PRR16: variants seen among roughly 807,000 people sequenced by gnomAD.
PRR16 encodes protein Largen.
A neutral mutation model predicts 18.2 loss-of-function variants in PRR16; 6 were observed. The ratio of observed to expected loss-of-function variants is 0.33; its 90% confidence interval spans 0.18 to 0.65. PRR16 has a LOEUF of 0.65. Among genes scored for constraint, PRR16 ranks in the 30% least tolerant of loss-of-function variants. The pLI, the probability that PRR16 is intolerant of heterozygous loss-of-function variation, is 0.74. For synonymous variants in PRR16, 151 were observed against 147.8 expected, an observed-to-expected ratio of 1.02 and a Z score of -0.16; for missense variants, 412 against 376.6, an observed-to-expected ratio of 1.09 and a Z score of -0.78.
chr5:120,527,547 T>A (rs1751411886), intron 1 of PRR16, among the ~76,000 whole-genome samples: 1 of 152,218 alleles, frequency 6.6e-6, no homozygotes, highest in African/African-American at 2.4e-5. Flanking sequence ...AGCCTCAGGC[T>A]AATTTTGAGT....
At chr5:120,730,399 G>C in the PRR16 span, among the ~76,000 whole-genome samples, 3 of 152,108 alleles carry the variant, frequency 2.0e-5, no homozygotes, top group East Asian at 5.8e-4. Flanking sequence ...CCAGAAATAG[G>C]TGTCCAACTA....
At chr5:120,768,988 T>C in the PRR16 span, among the ~76,000 whole-genome samples, 1 of 151,832 alleles carries the variant, frequency 6.6e-6, no homozygotes, top group Non-Finnish European at 1.5e-5. Flanking sequence ...AATTTATATA[T>C]GCAAACTCAG....
intron 1 of PRR16, among the ~76,000 whole-genome samples, chr5:120,672,416 TC>T (rs1756641126): frequency 6.6e-6 from 1 of 151,870 alleles, no homozygotes; most frequent in African/African-American, 2.4e-5. Context: ...CACAGGAGCC[TC>T]CTGGTGTGGA....
chr5:120,757,990 T>A, the PRR16 span, among the ~76,000 whole-genome samples: 1 of 150,450 alleles, frequency 6.6e-6, no homozygotes, highest in African/African-American at 2.4e-5. Flanking sequence ...AAATTTAGAA[T>A]GTAAAACTAT....
chr5:120,658,383 C>A (rs1190763323), intron 1 of PRR16: 3 of 149,850 alleles, frequency 2.0e-5, no homozygotes, highest in African/African-American at 7.4e-5. Context: ...TTCTCTTGTT[C>A]TTCATGGAAC....
At chr5:120,593,983 G>A (rs1376699751) in intron 1 of PRR16, among the ~76,000 whole-genome samples, 1 of 151,990 alleles carries the variant, frequency 6.6e-6, no homozygotes, top group Non-Finnish European at 1.5e-5. Context: ...CAAAAATGAG[G>A]CACAGAAGGA....
chr5:120,468,187 A>C (rs1297327720), intron 1 of PRR16, among the ~76,000 whole-genome samples: 1 of 152,172 alleles, frequency 6.6e-6, no homozygotes, highest in African/African-American at 2.4e-5. Context: ...TAAGCTTAAA[A>C]AGATGAAAAT....
At chr5:120,661,440 T>C (rs1192348255) in intron 1 of PRR16, among the ~76,000 whole-genome samples, 1 of 152,234 alleles carries the variant, frequency 6.6e-6, no homozygotes, top group East Asian at 1.9e-4. Flanking sequence ...TTGGAACACG[T>C]TGTATAATTT....
rs757609140 is a variant in PRR16 at position 120,464,510 on chromosome 5, C to G, written c.24C>G (p.Asn8Lys). 1.0e-5 allele frequency: 16 copies of G among 1,591,388 alleles called. No individual in the cohort carries two copies. The South Asian group carries it at 1.8e-4, about 18-fold the overall frequency. The change falls in exon 1 of 2, where the codon AAC becomes AAG. Residue 8 changes from asparagine (N) to lysine (K), a missense_variant. Physicochemically the swap from Asn to Lys is moderately conservative, Grantham distance 94. Transcript: ENST00000407149. MSAKSKG[N>K]PSSSCPAEGP... ...GAATGTCAGCCAAGTCCAAGGGGAA[C>G]CCCTCCTCGTCCTGTCCAGCCGAGG...
At chr5:120,470,439 T>C (rs1749232099) in intron 1 of PRR16, among the ~76,000 whole-genome samples, 1 of 152,182 alleles carries the variant, frequency 6.6e-6, no homozygotes, top group African/African-American at 2.4e-5. Context: ...TTTCTTTTAG[T>C]CTTTTTGTAT....
chr5:120,648,428 T>G (rs1283053459), intron 1 of PRR16, among the ~76,000 whole-genome samples: 1 of 152,064 alleles, frequency 6.6e-6, no homozygotes, highest in Non-Finnish European at 1.5e-5. Context: ...GTTAAACTGT[T>G]TGTTCCACCA....
At chr5:120,783,950 A>G in the PRR16 span, among the ~76,000 whole-genome samples, 1 of 152,074 alleles carries the variant, frequency 6.6e-6, no homozygotes, top group African/African-American at 2.4e-5. Flanking sequence ...CCACCTATGA[A>G]CGAGAACATG....
intron 1 of PRR16, among the ~76,000 whole-genome samples, chr5:120,584,184 T>G (rs2112761028): frequency 6.6e-6 from 1 of 152,294 alleles, no homozygotes. Context: ...TGATAGGAGT[T>G]GAGGCTTACA....
downstream of PRR16, among the ~76,000 whole-genome samples, chr5:120,687,766 C>T (rs935938600): frequency 6.6e-6 from 1 of 152,156 alleles, no homozygotes; most frequent in Admixed American, 6.6e-5. Context: ...TGGGCCGTTG[C>T]TGTCTTCTAA....
chr5:120,490,908 T>C (rs1430903133), intron 1 of PRR16, among the ~76,000 whole-genome samples: 1 of 152,170 alleles, frequency 6.6e-6, no homozygotes, highest in Non-Finnish European at 1.5e-5. Context: ...TGGAGTTTGC[T>C]GGAGGTCCAC....
the PRR16 span, among the ~76,000 whole-genome samples, chr5:120,737,141 C>T: frequency 1.5e-4 from 23 of 152,124 alleles, 1 homozygote; most frequent in South Asian, 2.1e-3. Context: ...CTAAGACTTC[C>T]AGTACTATGC....
chr5:120,560,726 G>A (rs754013846), intron 1 of PRR16, among the ~76,000 whole-genome samples: 17 of 151,938 alleles, frequency 1.1e-4, no homozygotes, highest in Non-Finnish European at 2.4e-4. Context: ...TTCTTTAAAT[G>A]TTTGGCAGAA....
Position 120,674,408 on chromosome 5 carries a change from T to C in PRR16, c.160-11546T>C, listed in dbSNP as rs114575280. Among the ~76,000 whole-genome samples the C allele has an allele frequency of 7.1e-3, 1,075 of 152,346 alleles. 12 individuals carry two copies. The highest frequency in any genetic ancestry group is 0.023 in the African/African-American group (964 of 41,582). On this transcript the variant is annotated intron_variant, in intron 1 of 1. Transcript: ENST00000407149. ...AGGAAGTAAGTGTCTTTGTCCTTAA[T>C]AGCTAAAAATATTTTAATTTACTTT...
chr5:120,612,023 G>A (rs903162072), intron 1 of PRR16, among the ~76,000 whole-genome samples: 1 of 152,198 alleles, frequency 6.6e-6, no homozygotes, highest in African/African-American at 2.4e-5. Flanking sequence ...TGACCTTGAT[G>A]TGAGATCTGG....
Sources: gnomAD v4.1 joint callset for allele counts (sites outside exome capture counted in the v4.1 genomes callset) on GRCh38, gnomAD v4.1.1 for gene constraint, MANE v1.5 for transcripts, NCBI Gene and HGNC (gene_info 2026-07-23, HGNC 2026-07-21) for gene names.